The following PAG1 variants were observed in gnomAD, a reference collection of about 807,000 sequenced individuals.
PAG1 encodes phosphoprotein membrane anchor with glycosphingolipid microdomains 1.
In PAG1, 23 loss-of-function variants were observed where a neutral mutation model predicts 31.7. The observed-to-expected ratio is 0.73, with a 90% CI of 0.52 to 1.03. PAG1 has a LOEUF of 1.03. Among genes scored for constraint, PAG1 ranks in the 50% least tolerant of loss-of-function variants. PAG1 has a pLI of 0.00. For missense variants in PAG1, 473 were observed against 540.7 expected, an observed-to-expected ratio of 0.87 and a Z score of 1.24; for synonymous variants, 214 against 210.3, an observed-to-expected ratio of 1.02 and a Z score of -0.15.
intron 1 of PAG1, among the ~76,000 whole-genome samples, chr8:81,102,908 C>T (rs1055125480): frequency 6.6e-6 from 1 of 151,984 alleles, no homozygotes; most frequent in Non-Finnish European, 1.5e-5. Flanking sequence ...AAAAGGAAAA[C>T]CAATAGTTTA....
At chr8:81,081,340 A>G (rs911375638) in intron 1 of PAG1, among the ~76,000 whole-genome samples, 8 of 152,122 alleles carry the variant, frequency 5.3e-5, no homozygotes, top group African/African-American at 1.7e-4. Context: ...GAAATTTTTA[A>G]AAGTTATTTT....
chr8:81,027,530 C>T (rs1480546967), intron 3 of PAG1, among the ~76,000 whole-genome samples: 2 of 152,176 alleles, frequency 1.3e-5, no homozygotes, highest in Non-Finnish European at 2.9e-5. Context: ...TATACTGACA[C>T]TACTACGGAT....
intron 3 of PAG1, among the ~76,000 whole-genome samples, chr8:81,006,547 A>T (rs561664492): frequency 6.6e-6 from 1 of 152,308 alleles, no homozygotes; most frequent in South Asian, 2.1e-4. Flanking sequence ...CACAGGGAGA[A>T]CTCAGAAAAC....
chr8:80,981,862 C>CCTTTCT (rs1554598378), intron 7 of PAG1, among the ~76,000 whole-genome samples: 3 of 103,428 alleles, frequency 2.9e-5, no homozygotes, highest in African/African-American at 1.5e-4. Flanking sequence ...ATCTCACTTC[C>CCTTTCT]TTTTTTTTTT....
intron 6 of PAG1, among the ~76,000 whole-genome samples, chr8:80,986,837 A>G (rs1807434280): frequency 6.6e-6 from 1 of 151,586 alleles, no homozygotes; most frequent in Non-Finnish European, 1.5e-5. Flanking sequence ...GGATGTGAAG[A>G]ATGAGGGAGA....
intron 2 of PAG1, among the ~76,000 whole-genome samples, chr8:81,051,555 G>A (rs1808728634): frequency 1.3e-5 from 2 of 152,132 alleles, no homozygotes; most frequent in South Asian, 2.1e-4. Context: ...TCATTAGGAC[G>A]ACTGAACATC....
In PAG1 at chr8:81,005,304, G is replaced by A. The variant is rs191917432; in HGVS notation, c.-80-11997C>T. 3.3e-5 allele frequency among the ~76,000 whole-genome samples: 5 copies of A among 152,254 alleles called. No homozygotes were observed. The East Asian group carries it at 9.7e-4, about 29-fold the overall frequency. On this transcript the variant is annotated intron_variant, in intron 3 of 8. Coordinates refer to ENST00000220597, the MANE Select transcript of PAG1 (RefSeq NM_018440.4). ...CTGAGAGAATGGCATATATATGTAT[G>A]TATGTATGTATGTATTTATATACTC...
intron 7 of PAG1, among the ~76,000 whole-genome samples, chr8:80,981,888 C>G (rs1477177200): frequency 5.2e-5 from 4 of 77,172 alleles, no homozygotes; most frequent in Non-Finnish European, 6.1e-5. Flanking sequence ...TTTTTTTTGA[C>G]AGCGTCTCAC....
intron 1 of PAG1, among the ~76,000 whole-genome samples, chr8:81,080,051 T>G (rs1809240872): frequency 6.6e-6 from 1 of 152,152 alleles, no homozygotes; most frequent in South Asian, 2.1e-4. Flanking sequence ...ATTACAGGCA[T>G]GAGCCACTGC....
chr8:80,978,333 T>C (rs1257369726), intron 8 of PAG1, among the ~76,000 whole-genome samples: 1 of 152,228 alleles, frequency 6.6e-6, no homozygotes, highest in African/African-American at 2.4e-5. Flanking sequence ...TATAATTTCT[T>C]TGAATTTAAT....
intron 2 of PAG1, among the ~76,000 whole-genome samples, chr8:81,069,765 A>G (rs1238485228): frequency 1.3e-5 from 2 of 152,216 alleles, no homozygotes; most frequent in Non-Finnish European, 1.5e-5. Flanking sequence ...TCCCTGTCTC[A>G]AAGATGAGGA....
chr8:81,065,815 GTGTA>G (rs1334836842), intron 2 of PAG1, among the ~76,000 whole-genome samples: 2 of 150,704 alleles, frequency 1.3e-5, no homozygotes, highest in East Asian at 1.9e-4. Context: ...ATGCATGTGT[GTGTA>G]TGTGTGTATA....
At chr8:81,059,640 T>C (rs1808886060) in intron 2 of PAG1, among the ~76,000 whole-genome samples, 1 of 152,150 alleles carries the variant, frequency 6.6e-6, no homozygotes. Context: ...GAATATTCAT[T>C]AGCTTCTCGA....
rs924294555 is a variant in PAG1, at chr8:80,976,998, T to G, written c.937-92A>C. On this transcript the variant is annotated intron_variant, in intron 8 of 8. Transcript: ENST00000220597. The stretch of plus-strand genomic sequence containing the variant: ...AAGCTACATACTGAGCACTCCTGGG[T>G]TTCTGTGTGTGTACTCCTTAAAGAT... 6 of 1,157,270 alleles carry G rather than the reference T, an allele frequency of 5.2e-6. No individual in the cohort carries two copies. The African/African-American group carries it at 7.7e-5, about 15-fold the overall frequency. The allele number at this position is 1,157,270 out of a possible 1,614,324, so 71.7% of individuals were successfully genotyped here.
At chr8:81,037,430 T>C (rs1263790509) in intron 2 of PAG1, among the ~76,000 whole-genome samples, 1 of 152,356 alleles carries the variant, frequency 6.6e-6, no homozygotes, top group African/African-American at 2.4e-5. Context: ...GTGGCTTGGA[T>C]ATGAATTCCT....
intron 5 of PAG1, among the ~76,000 whole-genome samples, chr8:80,988,260 T>G (rs1344149132): frequency 1.3e-5 from 2 of 152,094 alleles, no homozygotes; most frequent in African/African-American, 4.8e-5. Context: ...CTGTAAATCA[T>G]TATTGGTAAA....
intron 1 of PAG1, among the ~76,000 whole-genome samples, chr8:81,098,945 C>A (rs191780817): frequency 6.6e-6 from 1 of 151,994 alleles, no homozygotes; most frequent in African/African-American, 2.4e-5. Flanking sequence ...GTCTCACAAA[C>A]CTTTACCCAC....
rs762050686 is a variant in PAG1 at position 80,993,083 on chromosome 8, A to G, written c.125+20T>C. ...GGATGTATTAGTTTAAGGCACAGGTATATACACTCTGGTTCTCACCTGTCA... is the reference window on the plus strand; with the variant it reads ...GGATGTATTAGTTTAAGGCACAGGTGTATACACTCTGGTTCTCACCTGTCA... On this transcript the variant is annotated intron_variant, in intron 4 of 8. Transcript: ENST00000220597. The G allele has an allele frequency of 8.1e-6, 13 of 1,610,102 alleles. No individual in the cohort carries two copies. The highest frequency in any genetic ancestry group is 1.1e-5 in the Non-Finnish European group (13 of 1,177,580).
At chr8:81,069,843 G>A (rs1251988116) in intron 2 of PAG1, among the ~76,000 whole-genome samples, 1 of 152,180 alleles carries the variant, frequency 6.6e-6, no homozygotes, top group Non-Finnish European at 1.5e-5. Flanking sequence ...AGCCATGGAT[G>A]GGCTTACCAC....
Sources: allele counts gnomAD v4.1 joint callset (sites outside exome capture counted in the v4.1 genomes callset), GRCh38; gene constraint gnomAD v4.1.1; transcripts MANE v1.5; gene names NCBI Gene and HGNC (gene_info 2026-07-23, HGNC 2026-07-21).